The following MTUS2 variants were observed in gnomAD, a reference collection of about 807,000 sequenced individuals.
MTUS2 encodes the protein microtubule-associated tumor suppressor candidate 2.
A neutral mutation model predicts 114.1 loss-of-function variants in MTUS2; 40 were observed. The observed-to-expected ratio is 0.35, with a 90% CI of 0.27 to 0.46. The LOEUF is 0.46. Among genes scored for constraint, MTUS2 ranks in the 20% least tolerant of loss-of-function variants. The pLI, the probability that MTUS2 is intolerant of heterozygous loss-of-function variation, is 1.00. For synonymous variants in MTUS2, 688 were observed against 672.0 expected (o/e 1.02, Z -0.37); for missense variants, 1,679 against 1,705.4 (o/e 0.98, Z 0.27).
chr13:29,310,761 G>A (rs114223728), intron 6 of MTUS2, among the ~76,000 whole-genome samples: 101 of 152,254 alleles, frequency 6.6e-4, no homozygotes, highest in African/African-American at 2.3e-3. Context: ...GATGTACATG[G>A]GGAACTCTCA....
At chr13:29,449,907 T>G (rs1400859017) in intron 9 of MTUS2, among the ~76,000 whole-genome samples, 2 of 152,208 alleles carry the variant, frequency 1.3e-5, no homozygotes, top group Non-Finnish European at 2.9e-5. Flanking sequence ...AGCTGTTCAT[T>G]TCTCTCTTAC....
At chr13:29,450,044 G>T (rs558718500) in intron 9 of MTUS2, among the ~76,000 whole-genome samples, 1 of 152,172 alleles carries the variant, frequency 6.6e-6, no homozygotes, top group Non-Finnish European at 1.5e-5. Context: ...CCCGACCACG[G>T]TGCAGTGTGA....
chr13:29,418,360 C>A (rs569551106), intron 8 of MTUS2, among the ~76,000 whole-genome samples: 5 of 152,284 alleles, frequency 3.3e-5, no homozygotes, highest in African/African-American at 1.2e-4. Flanking sequence ...AGTCTGTAAA[C>A]TGGCCCAAGT....
intron 5 of MTUS2, among the ~76,000 whole-genome samples, chr13:29,272,120 G>T (rs970773881): frequency 6.6e-6 from 1 of 152,154 alleles, no homozygotes; most frequent in Non-Finnish European, 1.5e-5. Flanking sequence ...GGCCTTTAAT[G>T]TGAGAAAGAA....
intron 5 of MTUS2, among the ~76,000 whole-genome samples, chr13:29,223,229 A>C (rs1008458663): frequency 6.6e-6 from 1 of 152,072 alleles, no homozygotes; most frequent in African/African-American, 2.4e-5. Context: ...GTCCATGGCC[A>C]CCCATGGACA....
At chr13:29,086,393 G>C (rs1385886352) in intron 4 of MTUS2, among the ~76,000 whole-genome samples, 1 of 152,078 alleles carries the variant, frequency 6.6e-6, no homozygotes, top group Non-Finnish European at 1.5e-5. Flanking sequence ...ATTTCTTCTA[G>C]GGTTTTTATA....
intron 4 of MTUS2, among the ~76,000 whole-genome samples, chr13:29,064,629 A>T (rs1341556057): frequency 1.3e-5 from 2 of 152,030 alleles, no homozygotes; most frequent in Non-Finnish European, 2.9e-5. Context: ...ATCACAATAA[A>T]TTTTTTAAAC....
chr13:29,321,384 C>G (rs985676705), intron 6 of MTUS2, among the ~76,000 whole-genome samples: 2 of 152,070 alleles, frequency 1.3e-5, no homozygotes, highest in African/African-American at 4.8e-5. Flanking sequence ...GAAAGCTTAC[C>G]GTGTATTTAG....
rs192251551 is a variant in MTUS2, at chr13:29,287,894, G to A, written c.2806+6029G>A. On this transcript the variant is annotated intron_variant, in intron 6 of 15. Transcript: ENST00000612955. ...CCCACAGGGTTCACAGGCTGATGGCGGAGAAGCACAGAGAAACAATTATTA... is the reference window on the plus strand; with the variant it reads ...CCCACAGGGTTCACAGGCTGATGGCAGAGAAGCACAGAGAAACAATTATTA... Among the ~76,000 whole-genome samples the A allele has an allele frequency of 2.3e-3, 355 of 152,244 alleles. 1 individual carries two copies. The highest frequency in any genetic ancestry group is 8.2e-3 in the African/African-American group (340 of 41,542).
At chr13:29,154,509 G>A (rs566775683) in intron 5 of MTUS2, among the ~76,000 whole-genome samples, 6 of 152,210 alleles carry the variant, frequency 3.9e-5, no homozygotes, top group South Asian at 2.1e-4. Context: ...ACAGTGTGTC[G>A]GGAATCAATT....
chr13:29,243,430 C>T (rs1386142122), intron 5 of MTUS2, among the ~76,000 whole-genome samples: 3 of 152,148 alleles, frequency 2.0e-5, no homozygotes, highest in African/African-American at 7.2e-5. Context: ...AAAAGTGTCT[C>T]CTCAATGTGC....
chr13:29,303,010 CTG>C (rs1318464869), intron 6 of MTUS2, among the ~76,000 whole-genome samples: 4 of 152,194 alleles, frequency 2.6e-5, no homozygotes, highest in Non-Finnish European at 5.9e-5. Context: ...ATGGGAGAAA[CTG>C]AGGCAACTAA....
At chr13:29,156,386 T>G (rs2139057862) in intron 5 of MTUS2, among the ~76,000 whole-genome samples, 1 of 152,222 alleles carries the variant, frequency 6.6e-6, no homozygotes, top group Admixed American at 6.5e-5. Context: ...TTATCTATAT[T>G]GGTTTTCCAG....
At chr13:29,278,117 A>G (rs191281520) in intron 5 of MTUS2, among the ~76,000 whole-genome samples, 73 of 152,298 alleles carry the variant, frequency 4.8e-4, no homozygotes, top group Non-Finnish European at 1.6e-4. Flanking sequence ...CTATATAGAA[A>G]ACAACACCAA....
At chr13:29,105,374 C>G (rs535373033) in intron 5 of MTUS2, among the ~76,000 whole-genome samples, 5 of 152,264 alleles carry the variant, frequency 3.3e-5, no homozygotes, top group African/African-American at 1.2e-4. Context: ...GAAAATAGAT[C>G]ATATCGCCCA....
intron 2 of MTUS2, among the ~76,000 whole-genome samples, chr13:28,846,055 A>ATAT (rs1555267189): frequency 0.05 from 7,208 of 143,104 alleles, 230 homozygotes; most frequent in Non-Finnish European, 0.07. Context: ...TTAAAAAAAA[A>ATAT]ATATATATAT....
At chr13:29,112,996 C>T (rs1404525851) in intron 5 of MTUS2, among the ~76,000 whole-genome samples, 1 of 152,118 alleles carries the variant, frequency 6.6e-6, no homozygotes, top group Non-Finnish European at 1.5e-5. Flanking sequence ...CAGAGTTGCA[C>T]AGAAGGCCCA....
At chr13:29,223,797 G>A (rs1182684203) in intron 5 of MTUS2, among the ~76,000 whole-genome samples, 5 of 152,212 alleles carry the variant, frequency 3.3e-5, no homozygotes, top group African/African-American at 7.2e-5. Flanking sequence ...CCAGAACTAG[G>A]AGCTCCCTGA....
chr13:29,046,780 G>T (rs1392291744), intron 4 of MTUS2, among the ~76,000 whole-genome samples: 1 of 151,484 alleles, frequency 6.6e-6, no homozygotes, highest in Non-Finnish European at 1.5e-5. Flanking sequence ...TAGGCACGCC[G>T]CAGTACCAGG....
Sources: allele counts gnomAD v4.1 joint callset (sites outside exome capture counted in the v4.1 genomes callset), GRCh38; gene constraint gnomAD v4.1.1; transcripts MANE v1.5; gene names NCBI Gene and HGNC (gene_info 2026-07-23, HGNC 2026-07-21).